Variants in CACNA2D4 observed in about 807,000 individuals in gnomAD.
The protein encoded by CACNA2D4 is calcium voltage-gated channel auxiliary subunit alpha2delta 4, also known as voltage-dependent calcium channel subunit alpha-2/delta-4.
Under a neutral mutation model 163.8 loss-of-function variants are expected in CACNA2D4, and 157 were observed. The observed-to-expected ratio is 0.96, with a 90% confidence interval of 0.84 to 1.09. The LOEUF (loss-of-function observed/expected upper bound fraction) is 1.09, where lower values mean the gene tolerates loss of function less well. Ranked by LOEUF, CACNA2D4 falls within the 50% of genes least tolerant of loss-of-function variation. The probability of loss-of-function intolerance (pLI) is 0.00; values close to 1 mark genes in which losing one functional copy is unlikely to be tolerated. For synonymous variants in CACNA2D4, 598 were observed against 586.9 expected (o/e 1.02, Z -0.27); for missense variants, 1,410 against 1,479.9 (o/e 0.95, Z 0.78).
chr12:1,844,464 C>T lies in CACNA2D4; in HGVS notation c.2408G>A (p.Arg803His), dbSNP rs374500884. 4.3e-6 allele frequency: 7 copies of T among 1,613,226 alleles called. No individual in the cohort carries two copies. Among genetic ancestry groups the T allele is most frequent in the African/African-American group, 4.0e-5 (3 of 74,920 alleles). Residue 803 changes from arginine (R) to histidine (H), a missense_variant, in exon 25 of 38, where the codon CGC (arginine) becomes CAC (histidine). Arg to His is a conservative substitution (Grantham distance 29). Coordinates refer to ENST00000382722, the MANE Select transcript of CACNA2D4 (RefSeq NM_172364.5). The surrounding 1 kb of genome is among the most constrained non-coding windows in gnomAD (Gnocchi z 4.2). ...GCCAGCAGGATGCTCTGAGGCCTGG[C>T]GGTACCACAGCGGGAAGCGGTCCAG... ...FTLDRFPLWY[R>H]QASEHPAGSF... is the part of the protein sequence containing the mutation.
At chr12:1,868,368 G>A (rs1017740130) in intron 18 of CACNA2D4, among the ~76,000 whole-genome samples, 1 of 152,126 alleles carries the variant, frequency 6.6e-6, no homozygotes, top group Non-Finnish European at 1.5e-5. Context: ...AGAAAAAAAT[G>A]CTGCGTGATC....
chr12:1,804,121 C>CTGTGTGTGTGTGTGTGTG (rs57706301), intron 29 of CACNA2D4, among the ~76,000 whole-genome samples: 2 of 139,076 alleles, frequency 1.4e-5, no homozygotes, highest in Non-Finnish European at 3.1e-5. Context: ...ATTCTAGTTA[C>CTGTGTGTGTGTGTGTGTG]TGTGTGTGTG....
At chr12:1,865,774 G>A (rs923783577) in intron 18 of CACNA2D4, among the ~76,000 whole-genome samples, 1 of 152,186 alleles carries the variant, frequency 6.6e-6, no homozygotes, top group Non-Finnish European at 1.5e-5. Flanking sequence ...GCGGGGCGCT[G>A]GCCTGAAGGA....
chr12:1,913,497 T>C (rs1866886185), intron 2 of CACNA2D4, among the ~76,000 whole-genome samples: 1 of 152,184 alleles, frequency 6.6e-6, no homozygotes, highest in Non-Finnish European at 1.5e-5. Flanking sequence ...GCCATGTCCT[T>C]TGTGCAGAGC....
At chr12:1,912,288 A>G (rs1168508124) in intron 3 of CACNA2D4, among the ~76,000 whole-genome samples, 1 of 152,160 alleles carries the variant, frequency 6.6e-6, no homozygotes, top group Non-Finnish European at 1.5e-5. Context: ...TCTTGGCTGG[A>G]TGGAGTGGAG....
intron 1 of CACNA2D4, among the ~76,000 whole-genome samples, chr12:1,916,821 A>G (rs1041101789): frequency 1.3e-5 from 2 of 152,028 alleles, no homozygotes; most frequent in South Asian, 2.1e-4. Context: ...CTGAGAAGAG[A>G]GGTTCGGCGG....
chr12:1,807,201 TGTG>T (rs929988717), intron 29 of CACNA2D4, among the ~76,000 whole-genome samples: 1 of 152,004 alleles, frequency 6.6e-6, no homozygotes, highest in Non-Finnish European at 1.5e-5. Context: ...TGAGCTGCAC[TGTG>T]AACTTTGCTG....
chr12:1,908,179 G>T, intron 4 of CACNA2D4, 142 bp from the exon 5 acceptor site: 1 of 844,388 alleles, frequency 1.2e-6, no homozygotes, highest in Non-Finnish European at 1.8e-6. Flanking sequence ...CCGCGGCGGC[G>T]CGCTGGGCAC....
chr12:1,896,607 A>AC (rs1491561491), intron 6 of CACNA2D4, among the ~76,000 whole-genome samples: 1 of 2,992 alleles, frequency 3.3e-4, no homozygotes, highest in African/African-American at 1.2e-3. Context: ...CTATTAATAA[A>AC]CACACACACA....
In CACNA2D4 at chr12:1,798,013, A is replaced by T. The variant is rs1376004004; in HGVS notation, c.2996-478T>A. On this transcript the variant is annotated intron_variant, in intron 34 of 37. Transcript: ENST00000382722. The surrounding 1 kb of genome is among the most constrained non-coding windows in gnomAD (Gnocchi z 4.3). ...TGCTCTCCCGCACAGCCAGGCCCAC[A>T]CTCCACCCATTGAGCCTGAGCGCCT... 6.6e-6 allele frequency among the ~76,000 whole-genome samples: 1 copy of T among 151,410 alleles called. No homozygotes were observed. Among genetic ancestry groups the T allele is most frequent in the East Asian group, 2.0e-4 (1 of 5,088 alleles).
intron 9 of CACNA2D4, 130 bp from the exon 10 acceptor site, chr12:1,885,206 T>C (rs1307964783): frequency 6.5e-6 from 5 of 768,378 alleles, no homozygotes; most frequent in Non-Finnish European, 9.3e-6. Flanking sequence ...TGTGTCTCCA[T>C]GATGCAGTTC....
intron 18 of CACNA2D4, among the ~76,000 whole-genome samples, chr12:1,871,295 C>T: frequency 7.4e-6 from 1 of 135,834 alleles, no homozygotes; most frequent in East Asian, 2.2e-4. Flanking sequence ...CTGTATGTTG[C>T]TGGTGTGTGT....
At chr12:1,861,472 C>T (rs1436618013) in intron 18 of CACNA2D4, among the ~76,000 whole-genome samples, 1 of 151,016 alleles carries the variant, frequency 6.6e-6, no homozygotes, top group African/African-American at 2.4e-5. Context: ...GATGGAGTCT[C>T]CCTCTTGTCA....
rs1164401427 is a variant in CACNA2D4 at position 1,828,669 on chromosome 12, A to T, written c.2551+12070T>A. 5.3e-5 allele frequency among the ~76,000 whole-genome samples: 8 copies of T among 152,226 alleles called. No homozygotes were observed. In the South Asian group the frequency reaches 1.2e-3, roughly 24 times the overall value. On this transcript the variant is annotated intron_variant, in intron 26 of 37. Coordinates refer to ENST00000382722, the MANE Select transcript of CACNA2D4 (RefSeq NM_172364.5). This position sits in a 1 kb window ranked among gnomAD's most constrained non-coding sequence, Gnocchi z 4.2. ...TCGGCCAGGAGCTGGGTCAGCTTGG[A>T]GATGTCTCTTATGCTCCTTATGCCT...
chr12:1,845,680 C>T (rs1449830241), intron 24 of CACNA2D4, among the ~76,000 whole-genome samples: 1 of 152,146 alleles, frequency 6.6e-6, no homozygotes, highest in African/African-American at 2.4e-5. Context: ...CCGCTCGGCC[C>T]CTAACCCCTC....
chr12:1,907,569 G>C lies in CACNA2D4; in HGVS notation c.652C>G (p.Pro218Ala). 1 of 1,611,934 alleles carries C rather than the reference G, an allele frequency of 6.2e-7. No homozygotes were observed. Among genetic ancestry groups the C allele is most frequent in the Non-Finnish European group, 8.5e-7 (1 of 1,178,522 alleles). ...ATGTAGACTCCATTTAAAATATCTG[G>C]GTCTGAAGGGTGAGACTATAGATTA... ...QLPTNVYNKD[P>A]DILNGVYMSE... Residue 218 changes from proline to alanine, a missense_variant and splice_region_variant, in exon 6 of 38, where the codon CCA becomes GCA. Coordinates refer to ENST00000382722, the MANE Select transcript of CACNA2D4 (RefSeq NM_172364.5).
At chr12:1,864,794 T>C (rs1311486912) in intron 18 of CACNA2D4, among the ~76,000 whole-genome samples, 1 of 152,246 alleles carries the variant, frequency 6.6e-6, no homozygotes. Flanking sequence ...CACGCTCCGC[T>C]CCGGCTGTAG....
intron 18 of CACNA2D4, among the ~76,000 whole-genome samples, chr12:1,862,173 A>G (rs1865539575): frequency 6.6e-6 from 1 of 152,182 alleles, no homozygotes; most frequent in Admixed American, 6.5e-5. Flanking sequence ...TTGGGGCTAT[A>G]GTGAATAAAG....
At chr12:1,839,813 G>C (rs1864971679) in intron 26 of CACNA2D4, among the ~76,000 whole-genome samples, 1 of 152,140 alleles carries the variant, frequency 6.6e-6, no homozygotes, top group African/African-American at 2.4e-5. Flanking sequence ...AGCATCCACT[G>C]TTTGCTCTAT....
Sources: allele counts gnomAD v4.1 joint callset (sites outside exome capture counted in the v4.1 genomes callset), GRCh38; gene constraint gnomAD v4.1.1; non-coding constraint Gnocchi (gnomAD v3.1); transcripts MANE v1.5; gene names NCBI Gene and HGNC (gene_info 2026-07-23, HGNC 2026-07-21).